Variants in PIEZO1 observed in about 807,000 individuals in gnomAD.
The protein encoded by PIEZO1 is piezo type mechanosensitive ion channel component 1 (Er blood group), also known as piezo-type mechanosensitive ion channel component 1.
Under a neutral mutation model 297.2 loss-of-function variants are expected in PIEZO1, and 296 were observed. The ratio of observed to expected loss-of-function variants is 1.00; its 90% CI spans 0.91 to 1.10. The LOEUF (loss-of-function observed/expected upper bound fraction) is 1.10. Among genes scored for constraint, PIEZO1 ranks in the 50% least tolerant of loss-of-function variants. PIEZO1 has a pLI of 0.00. For synonymous variants in PIEZO1, 2,427 were observed against 1,507.5 expected (o/e 1.61, Z -14.13); for missense variants, 5,018 against 3,455.5 (o/e 1.45, Z -11.34).
chr16:88,749,853 C>T (rs1906294781), intron 1 of PIEZO1, among the ~76,000 whole-genome samples: 1 of 151,924 alleles, frequency 6.6e-6, no homozygotes. Flanking sequence ...CGTGGTGAAA[C>T]CCTGTCTCCA....
chr16:88,717,810 T>C (rs1406218078), intron 44 of PIEZO1: 1 of 449,536 alleles, frequency 2.2e-6, no homozygotes. Flanking sequence ...CCAATGTATC[T>C]GCAGAAAAAC....
At position 88,720,499 on chromosome 16, in the gene PIEZO1, G is replaced by C. The variant is rs776602133; in HGVS notation, c.5835C>G (p.Phe1945Leu). ...ACTTGGTGTGCAGGATGTCGTGGAA[G>C]AAGCGCCGTAGCGGCCGATATGTGC... ...AQGTYRPLRR[F>L]FHDILHTKYR... is the part of the protein sequence containing the mutation. Residue 1945 changes from phenylalanine (F) to leucine (L), a missense_variant, in exon 41 of 51, where the codon TTC (phenylalanine) becomes TTG (leucine). Transcript: ENST00000301015. 3.9e-6 allele frequency: 6 copies of C among 1,550,224 alleles called. No homozygotes were observed. The highest frequency in any genetic ancestry group is 3.9e-5 in the Admixed American group (2 of 50,992).
At chr16:88,755,538 CCTGCCTGGAGG>C (rs775843177) in intron 1 of PIEZO1, among the ~76,000 whole-genome samples, 1 of 152,258 alleles carries the variant, frequency 6.6e-6, no homozygotes. Context: ...CAGAGCTCTA[CCTGCCTGGAGG>C]CTGCCTGAGG....
Position 88,723,264 on chromosome 16 carries a change from T to TCCTGCC in PIEZO1, c.4399_4400insGGCAGG (p.Gln1466_Glu1467insGlyGln), listed in dbSNP as rs771103464. The TCCTGCC allele has an allele frequency of 1.1e-5, 17 of 1,543,372 alleles. No homozygotes were observed. The African/African-American group carries it at 1.8e-4, about 16-fold the overall frequency. On this transcript the variant is annotated inframe_insertion, in exon 32 of 51. Transcript: ENST00000301015. ...TCCTGCCTGTTCCTGCCTTGCCTGC[T>TCCTGCC]CCTGCTCCTGCTGCCGCCGCCTCAG...
At chr16:88,730,413 G>C (rs551630051) in intron 22 of PIEZO1, among the ~76,000 whole-genome samples, 37 of 152,124 alleles carry the variant, frequency 2.4e-4, no homozygotes, top group African/African-American at 8.4e-4. Flanking sequence ...GCCTGGCCAA[G>C]ATGGTGAAAC....
chr16:88,741,337 G>T (rs139816749), intron 5 of PIEZO1, 141 bp downstream of exon 5: 1 of 780,008 alleles, frequency 1.3e-6, no homozygotes, highest in East Asian at 2.8e-5. Context: ...GTGGGATTTG[G>T]AACTTCCTCC....
chr16:88,722,911 ACTC>A lies in PIEZO1; in HGVS notation c.4591_4593del (p.Glu1531del), dbSNP rs1904292419. On this transcript the variant is annotated inframe_deletion, in exon 34 of 51. Transcript: ENST00000301015. ...CTCATGGTGCCGTGGTGCCGGGTGA[ACTC>A]CTGCAGCCAGCGTGTCAGCTCATCC... 1.9e-6 allele frequency: 3 copies of A among 1,548,936 alleles called. No homozygotes were observed. Among genetic ancestry groups the A allele is most frequent in the Non-Finnish European group, 2.6e-6 (3 of 1,146,658 alleles).
At position 88,734,669 on chromosome 16, in the gene PIEZO1, T is replaced by C; in HGVS notation, c.1978A>G (p.Thr660Ala). 1 of 1,550,006 alleles carries C rather than the reference T, an allele frequency of 6.5e-7. No individual in the cohort carries two copies. Among genetic ancestry groups the C allele is most frequent in the Non-Finnish European group, 8.7e-7 (1 of 1,146,836 alleles). The change falls in exon 15 of 51, where the codon ACT (threonine) becomes GCT (alanine). Residue 660 changes from threonine to alanine, a missense_variant. Transcript: ENST00000301015. ...QDFPAYWRNL[T>A]GFTDEQLGDL... Reference sequence around the variant, plus strand: ...ACTCACTGCTCGTCGGTGAAGCCAGTGAGGTTGCGCCAGTAGGCAGGGAAG... The same window carrying C: ...ACTCACTGCTCGTCGGTGAAGCCAGCGAGGTTGCGCCAGTAGGCAGGGAAG...
intron 2 of PIEZO1, chr16:88,742,660 TG>T: frequency 1.9e-6 from 1 of 515,104 alleles, no homozygotes; most frequent in Non-Finnish European, 3.5e-6. Context: ...AGGATGGGCC[TG>T]GGGCCCACAG....
At chr16:88,780,832 C>G (rs1907898120) in intron 1 of PIEZO1, among the ~76,000 whole-genome samples, 1 of 152,166 alleles carries the variant, frequency 6.6e-6, no homozygotes, top group Non-Finnish European at 1.5e-5. Context: ...TGCTACACAC[C>G]TGTAATCTCA....
chr16:88,742,278 C>A, intron 3 of PIEZO1, 22 bp downstream of exon 3: 2 of 1,526,416 alleles, frequency 1.3e-6, no homozygotes, highest in Non-Finnish European at 8.8e-7. Context: ...GCTATCCCTA[C>A]CCCGCCCCCT....
rs973068402 is a variant in PIEZO1 at position 88,722,143 on chromosome 16, G to T, written c.4955+75C>A. Reference sequence around the variant, plus strand: ...ACGGCCCGATCTGTTGCCGGTCACAGTCAGTCTCCTGCCCCTGTTCGGCTG... The same window carrying T: ...ACGGCCCGATCTGTTGCCGGTCACATTCAGTCTCCTGCCCCTGTTCGGCTG... On this transcript the variant is annotated intron_variant, in intron 36 of 50. Transcript: ENST00000301015. 2.0e-5 allele frequency: 30 copies of T among 1,521,284 alleles called. No homozygotes were observed. The African/African-American group carries it at 2.9e-4, about 15-fold the overall frequency. 94.2% of individuals were successfully genotyped at this position (1,521,284 alleles called of 1,614,324 possible).
chr16:88,716,533 G>C, intron 47 of PIEZO1, 26 bp downstream of exon 47: 1 of 1,537,392 alleles, frequency 6.5e-7, no homozygotes, highest in Non-Finnish European at 8.8e-7. Flanking sequence ...CACCCACCCA[G>C]GCACTGCCCC....
intron 1 of PIEZO1, among the ~76,000 whole-genome samples, chr16:88,761,463 G>A (rs1032045434): frequency 6.6e-6 from 1 of 152,216 alleles, no homozygotes; most frequent in Admixed American, 6.5e-5. Context: ...ACGGCCCGAG[G>A]CAGAAGCAGT....
At chr16:88,759,983 C>G (rs1906852589) in intron 1 of PIEZO1, among the ~76,000 whole-genome samples, 1 of 152,046 alleles carries the variant, frequency 6.6e-6, no homozygotes, top group Non-Finnish European at 1.5e-5. Flanking sequence ...CTGCTCCGCA[C>G]AGGCTCCCAA....
In PIEZO1 at chr16:88,736,674, C is replaced by A. The variant is rs1421810819; in HGVS notation, c.1261G>T (p.Asp421Tyr). 3 of 1,533,176 alleles carry A rather than the reference C, an allele frequency of 2.0e-6. No homozygotes were observed. The highest frequency in any genetic ancestry group is 2.0e-5 in the Admixed American group (1 of 50,930). 95.0% of individuals were successfully genotyped at this position (1,533,176 alleles called of 1,614,324 possible). A position where few individuals can be genotyped will look rare whatever the true frequency, so the allele number is the denominator to read the frequency against. ...ATGAGCGCGCACACATAGCTCTGGT[C>A]CATGATGAGGTGGCCCAGGCTGTGG... is the stretch of plus-strand genomic sequence containing the variant. ...PLHSLGHLIM[D>Y]QSYVCALIAM... The change falls in exon 11 of 51, where the codon GAC (aspartate) becomes TAC (tyrosine). Residue 421 changes from aspartate (D) to tyrosine (Y), a missense_variant. Asp to Tyr is a radical substitution (Grantham distance 160). Transcript: ENST00000301015.
chr16:88,722,831 G>A lies in PIEZO1; in HGVS notation c.4668+6C>T. 6.5e-7 allele frequency: 1 copy of A among 1,544,140 alleles called. No individual in the cohort carries two copies. The highest frequency in any genetic ancestry group is 8.7e-7 in the Non-Finnish European group (1 of 1,146,312). ...AGGGACGAGCGTGGTGCACGGGCAG[G>A]CTCACCTGCAGGAGCTCCTGTGTGA... On this transcript the variant is annotated splice_donor_region_variant and intron_variant, in intron 34 of 50. Transcript: ENST00000301015.
chr16:88,720,478 G>T lies in PIEZO1; in HGVS notation c.5856C>A (p.Thr1952=). ...LRRFFHDILH[T]KYRAATDVYA... ...AGACGTCGGTGGCTGCGCGGTACTT[G>T]GTGTGCAGGATGTCGTGGAAGAAGC... Residue 1952 remains threonine (T), a synonymous_variant, in exon 41 of 51, where the codon ACC becomes ACA. Transcript: ENST00000301015. 1 of 1,550,454 alleles carries T rather than the reference G, an allele frequency of 6.4e-7. No individual in the cohort carries two copies. Among genetic ancestry groups the T allele is most frequent in the Non-Finnish European group, 8.7e-7 (1 of 1,146,946 alleles).
In PIEZO1 at chr16:88,716,065, G is replaced by T; in HGVS notation, c.7184C>A (p.Ala2395Glu). Residue 2395 changes from alanine (A) to glutamate (E), a missense_variant, in exon 50 of 51, where the codon GCG (alanine) becomes GAG (glutamate). By Grantham distance (107) the Ala-to-Glu change is moderately radical. Transcript: ENST00000301015. ...CCATTCGAGGAAGCCGGTGGCCCCC[G>T]CACCCTGCTCCCTCCGCAGCTGGAT... The part of the protein sequence containing the change: ...VRIQLRREQG[A>E]GATGFLEWWV... The T allele has an allele frequency of 1.3e-6, 2 of 1,550,094 alleles. No individual in the cohort carries two copies. Among genetic ancestry groups the T allele is most frequent in the Non-Finnish European group, 1.7e-6 (2 of 1,146,840 alleles).
Sources: gnomAD v4.1 joint callset for allele counts (sites outside exome capture counted in the v4.1 genomes callset) on GRCh38, gnomAD v4.1.1 for gene constraint, MANE v1.5 for transcripts, NCBI Gene and HGNC (gene_info 2026-07-23, HGNC 2026-07-21) for gene names.